HTRA3: variants seen among roughly 807,000 people sequenced by gnomAD.
HTRA3 encodes the protein HtrA serine peptidase 3.
Under a neutral mutation model 43.2 loss-of-function variants are expected in HTRA3, and 41 were observed. That is an observed-to-expected ratio of 0.95 (90% confidence interval 0.74 to 1.23). The LOEUF is 1.23. Ranked by LOEUF, HTRA3 falls within the 50% of genes most tolerant of loss-of-function variation. The pLI is 0.00. For synonymous variants in HTRA3, 295 were observed against 287.9 expected (o/e 1.02, Z -0.25); for missense variants, 628 against 647.1 (o/e 0.97, Z 0.32).
rs1203244783 is a variant in HTRA3 at position 8,282,521 on chromosome 4, T to C, written c.470T>C (p.Ile157Thr). Residue 157 changes from isoleucine (I) to threonine (T), a missense_variant, in exon 2 of 9, where the codon ATA (isoleucine) becomes ACA (threonine). Transcript: ENST00000307358. The stretch of plus-strand genomic sequence containing the variant: ...AAGATCGCACCAGCCGTGGTCCACA[T>C]AGAGCTCTTCCTGAGGTGGGTGAAT... ...VEKIAPAVVHIELFLRHPLFG... is the reference protein window; with the variant it reads ...VEKIAPAVVHTELFLRHPLFG... 3 of 1,613,662 alleles carry C rather than the reference T, an allele frequency of 1.9e-6. No individual in the cohort carries two copies. Among genetic ancestry groups the C allele is most frequent in the Non-Finnish European group, 2.5e-6 (3 of 1,179,714 alleles).
intron 5 of HTRA3, among the ~76,000 whole-genome samples, chr4:8,293,458 C>T (rs573056531): frequency 6.6e-6 from 1 of 152,108 alleles, no homozygotes; most frequent in Non-Finnish European, 1.5e-5. Flanking sequence ...CCAGAGGGAT[C>T]CCTGGTGAGC....
At chr4:8,278,924 T>G (rs1044418148) in intron 1 of HTRA3, among the ~76,000 whole-genome samples, 6 of 152,228 alleles carry the variant, frequency 3.9e-5, no homozygotes, top group African/African-American at 1.4e-4. Flanking sequence ...TACTGTGTGC[T>G]GGCTCAGAGA....
chr4:8,289,514 G>A (rs1713141448), intron 3 of HTRA3, among the ~76,000 whole-genome samples: 1 of 152,222 alleles, frequency 6.6e-6, no homozygotes, highest in South Asian at 2.1e-4. Flanking sequence ...TCCGGCGGCT[G>A]TGGCAGAATG....
intron 3 of HTRA3, among the ~76,000 whole-genome samples, chr4:8,288,740 T>C (rs1454691554): frequency 6.6e-6 from 1 of 151,764 alleles, no homozygotes; most frequent in Non-Finnish European, 1.5e-5. Context: ...CCTCAGCTAA[T>C]TTTTGTATTT....
chr4:8,292,441 C>T (rs1412729594), intron 5 of HTRA3, 88 bp downstream of exon 5: 2 of 1,082,128 alleles, frequency 1.8e-6, no homozygotes, highest in Non-Finnish European at 2.8e-6. Flanking sequence ...ACAGGGCCCA[C>T]AATATGGTCC....
At chr4:8,294,341 C>T (rs1412028748) in intron 6 of HTRA3, 140 bp downstream of exon 6, 1 of 592,396 alleles carries the variant, frequency 1.7e-6, no homozygotes, top group Non-Finnish European at 3.0e-6. Context: ...TCCTGTCTGC[C>T]CACCCCAAAG....
Position 8,269,982 on chromosome 4 carries a change from C to T in HTRA3, c.14C>T (p.Ala5Val), listed in dbSNP as rs1274996821. ...GGCCCTGCCGCCATGCAGGCGCGAGCGCTGCTCCTGGCCGCGTTGGCCGCG... is the reference window on the plus strand; with the variant it reads ...GGCCCTGCCGCCATGCAGGCGCGAGTGCTGCTCCTGGCCGCGTTGGCCGCG... MQAR[A>V]LLLAALAALA... Residue 5 changes from alanine to valine, a missense_variant, in exon 1 of 9, where the codon GCG becomes GTG. Ala to Val is a moderately conservative substitution (Grantham distance 64). Transcript: ENST00000307358. 2 of 1,223,702 alleles carry T rather than the reference C, an allele frequency of 1.6e-6. No homozygotes were observed. Among genetic ancestry groups the T allele is most frequent in the Non-Finnish European group, 2.0e-6 (2 of 984,928 alleles). The allele number at this position is 1,223,702 out of a possible 1,614,324, so 75.8% of individuals were successfully genotyped here.
intron 8 of HTRA3, 29 bp from the exon 9 acceptor site, chr4:8,305,942 G>T: frequency 6.2e-7 from 1 of 1,610,840 alleles, no homozygotes; most frequent in Non-Finnish European, 8.5e-7. Flanking sequence ...GGAGGCGGTG[G>T]GTGGTGACCC....
chr4:8,295,479 T>C lies in HTRA3; in HGVS notation c.1051+1278T>C, dbSNP rs1292168388. Among the ~76,000 whole-genome samples the C allele has an allele frequency of 1.3e-5, 2 of 150,550 alleles. No individual in the cohort carries two copies. The highest frequency in any genetic ancestry group is 1.3e-4 in the Admixed American group (2 of 15,142). ...ACTCTCCCAAGTGAGAGCATGCCCA[T>C]TGCCTCCTTAAGTGGGCAGTCGCAG... On this transcript the variant is annotated intron_variant, in intron 6 of 8. Transcript: ENST00000307358. The surrounding 1 kb of genome is among the most constrained non-coding windows in gnomAD (Gnocchi z 6.9).
chr4:8,291,294 C>A, intron 3 of HTRA3, 76 bp from the exon 4 acceptor site: 1 of 1,309,776 alleles, frequency 7.6e-7, no homozygotes, highest in Non-Finnish European at 1.1e-6. Context: ...ACCCCCCTGC[C>A]AGGATCTGAC....
At position 8,286,757 on chromosome 4, in the gene HTRA3, A is replaced by T; in HGVS notation, c.682A>T (p.Ile228Phe). Residue 228 changes from isoleucine to phenylalanine, a missense_variant, in exon 3 of 9, where the codon ATT becomes TTT. Coordinates refer to ENST00000307358, the MANE Select transcript of HTRA3 (RefSeq NM_053044.5). This position sits in a 1 kb window ranked among gnomAD's most constrained non-coding sequence, Gnocchi z 4.9. ...CAAAGACATCGACAAGAAGTCGGAC[A>T]TTGCCACCATCAAGATCCATCCCAA... is the stretch of plus-strand genomic sequence containing the variant. ...TIKDIDKKSD[I>F]ATIKIHPKKK... 6.2e-7 allele frequency: 1 copy of T among 1,613,978 alleles called. No homozygotes were observed. Among genetic ancestry groups the T allele is most frequent in the South Asian group, 1.1e-5 (1 of 91,078 alleles).
chr4:8,291,673 C>G, intron 4 of HTRA3, 109 bp downstream of exon 4: 1 of 718,570 alleles, frequency 1.4e-6, no homozygotes, highest in Non-Finnish European at 2.3e-6. Context: ...CATTCTGGCA[C>G]TCGACACATC....
intron 3 of HTRA3, among the ~76,000 whole-genome samples, chr4:8,287,271 T>A (rs1713029144): frequency 6.6e-6 from 1 of 152,116 alleles, no homozygotes; most frequent in Non-Finnish European, 1.5e-5. Flanking sequence ...AATCCTCTTC[T>A]TCCTCCACCG....
chr4:8,282,377 C>G, intron 1 of HTRA3, 60 bp from the exon 2 acceptor site: 1 of 1,342,540 alleles, frequency 7.4e-7, no homozygotes, highest in African/African-American at 1.4e-5. Context: ...GGGCATAGGC[C>G]TCTGGGAGCT....
At position 8,282,556 on chromosome 4, in the gene HTRA3, C is replaced by CCCTCT; in HGVS notation, c.485+22_485+26dup. 1 of 1,560,750 alleles carries CCCTCT rather than the reference C, an allele frequency of 6.4e-7. No individual in the cohort carries two copies. Among genetic ancestry groups the CCCTCT allele is most frequent in the East Asian group, 2.3e-5 (1 of 44,420 alleles). On this transcript the variant is annotated intron_variant, in intron 2 of 8. Transcript: ENST00000307358. ...CCTGAGGTGGGTGAATACCCCTCGC[C>CCCTCT]CCTCTCTGCCTCCTGGTGTCCCCTG...
At chr4:8,280,435 G>T (rs1454401509) in intron 1 of HTRA3, among the ~76,000 whole-genome samples, 3 of 152,186 alleles carry the variant, frequency 2.0e-5, no homozygotes, top group Admixed American at 1.3e-4. Context: ...AGGCTTTGTG[G>T]CTGGTGTCCT....
intron 3 of HTRA3, among the ~76,000 whole-genome samples, chr4:8,287,839 C>T (rs1308670628): frequency 6.6e-6 from 1 of 152,178 alleles, no homozygotes; most frequent in South Asian, 2.1e-4. Context: ...CAGGGCTGGC[C>T]CGCTCAGCTA....
chr4:8,304,299 A>G lies in HTRA3; in HGVS notation c.1196+20A>G. 6.2e-7 allele frequency: 1 copy of G among 1,605,542 alleles called. No individual in the cohort carries two copies. Among genetic ancestry groups the G allele is most frequent in the African/African-American group, 1.3e-5 (1 of 74,830 alleles). ...TCAGAGGTAGGCTCTGCCAGAGGAG[A>G]TCGCTCGAGGCATGGGGCAGGCGTG... On this transcript the variant is annotated intron_variant, in intron 8 of 8. Coordinates refer to ENST00000307358, the MANE Select transcript of HTRA3 (RefSeq NM_053044.5).
chr4:8,290,912 A>G (rs1427736818), intron 3 of HTRA3, among the ~76,000 whole-genome samples: 2 of 152,224 alleles, frequency 1.3e-5, no homozygotes, highest in African/African-American at 4.8e-5. Flanking sequence ...AACTGGATCA[A>G]GGATGTCAGA....
Sources: allele counts gnomAD v4.1 joint callset (sites outside exome capture counted in the v4.1 genomes callset), GRCh38; gene constraint gnomAD v4.1.1; non-coding constraint Gnocchi (gnomAD v3.1); transcripts MANE v1.5; gene names NCBI Gene and HGNC (gene_info 2026-07-23, HGNC 2026-07-21).